LGSN: variants seen among roughly 807,000 people sequenced by gnomAD.
LGSN encodes lengsin.
A neutral mutation model predicts 19.5 loss-of-function variants in LGSN; 21 were observed. That is an observed-to-expected ratio of 1.07 (90% confidence interval 0.76 to 1.55). The LOEUF (loss-of-function observed/expected upper bound fraction) is 1.55. Among genes scored for constraint, LGSN ranks in the 40% most tolerant of loss-of-function variants. LGSN has a pLI of 0.00. For missense variants in LGSN, 673 were observed against 608.5 expected (o/e 1.11, Z -1.12); for synonymous variants, 257 against 215.6 (o/e 1.19, Z -1.68).
the LGSN span, among the ~76,000 whole-genome samples, chr6:63,500,386 G>GT: frequency 1.3e-5 from 2 of 152,170 alleles, no homozygotes; most frequent in African/African-American, 4.8e-5. Context: ...TCTGCTTCAT[G>GT]TCTGAGTGAC....
At chr6:63,494,315 C>T in the LGSN span, among the ~76,000 whole-genome samples, 4 of 151,936 alleles carry the variant, frequency 2.6e-5, no homozygotes, top group African/African-American at 7.3e-5. Context: ...CCTATAGCAG[C>T]TTATCATTAT....
intron 1 of LGSN, among the ~76,000 whole-genome samples, chr6:63,304,905 A>G (rs1768320435): frequency 6.6e-6 from 1 of 152,190 alleles, no homozygotes; most frequent in African/African-American, 2.4e-5. Flanking sequence ...AGAAAACCCA[A>G]AATAATGGTA....
the LGSN span, among the ~76,000 whole-genome samples, chr6:63,499,542 G>A: frequency 6.6e-6 from 1 of 152,040 alleles, no homozygotes; most frequent in Non-Finnish European, 1.5e-5. Context: ...TAATAGAGAA[G>A]AAAATCTCGC....
At chr6:63,415,597 T>C in the LGSN span, among the ~76,000 whole-genome samples, 1 of 152,200 alleles carries the variant, frequency 6.6e-6, no homozygotes, top group African/African-American at 2.4e-5. Flanking sequence ...CAATTATTTC[T>C]ACCTGGTCTC....
chr6:63,532,401 A>G, the LGSN span, among the ~76,000 whole-genome samples: 1 of 152,156 alleles, frequency 6.6e-6, no homozygotes, highest in Non-Finnish European at 1.5e-5. Flanking sequence ...ATGCTCACAT[A>G]CTACCAGTAC....
chr6:63,393,900 G>C, the LGSN span, among the ~76,000 whole-genome samples: 11 of 152,130 alleles, frequency 7.2e-5, 1 homozygote, highest in Admixed American at 7.2e-4. Context: ...GCATTCCCAC[G>C]AGGTTAGGTA....
intron 1 of LGSN, 31 bp from the exon 2 acceptor site, chr6:63,295,076 T>A: frequency 1.3e-6 from 2 of 1,595,166 alleles, no homozygotes; most frequent in East Asian, 4.5e-5. Flanking sequence ...AAAAGCCAAA[T>A]AACAGATTAT....
chr6:63,572,443 C>G, the LGSN span: 1 of 375,954 alleles, frequency 2.7e-6, no homozygotes, highest in Non-Finnish European at 4.7e-6. Context: ...TTGCACGTCG[C>G]GCCGGCTATA....
chr6:63,392,223 T>A, the LGSN span: 5 of 152,352 alleles, frequency 3.3e-5, no homozygotes, highest in African/African-American at 1.2e-4. Flanking sequence ...TAGAAGCCCC[T>A]TCCTCAGTGC....
the LGSN span, among the ~76,000 whole-genome samples, chr6:63,467,245 T>C: frequency 6.8e-6 from 1 of 147,442 alleles, no homozygotes; most frequent in African/African-American, 2.5e-5. Flanking sequence ...CAGTAAACAA[T>C]AAAAAAGAAA....
the LGSN span, among the ~76,000 whole-genome samples, chr6:63,406,595 C>A: frequency 6.6e-6 from 1 of 150,866 alleles, no homozygotes; most frequent in South Asian, 2.1e-4. Flanking sequence ...AAAATTGACA[C>A]CCTAACATCA....
the LGSN span, among the ~76,000 whole-genome samples, chr6:63,412,694 A>G: frequency 6.7e-4 from 85 of 127,232 alleles, no homozygotes; most frequent in African/African-American, 2.3e-3. Flanking sequence ...AGAAAGAGAA[A>G]GAAAGAAAGA....
the LGSN span, among the ~76,000 whole-genome samples, chr6:63,450,362 A>G: frequency 6.6e-6 from 1 of 151,480 alleles, no homozygotes; most frequent in Non-Finnish European, 1.5e-5. Flanking sequence ...CTCCATCTCA[A>G]AAATAAATAA....
At chr6:63,422,052 C>G in the LGSN span, among the ~76,000 whole-genome samples, 2 of 152,032 alleles carry the variant, frequency 1.3e-5, no homozygotes, top group African/African-American at 2.4e-5. Flanking sequence ...AAATGAAAGA[C>G]CAAAAAAATT....
the LGSN span, among the ~76,000 whole-genome samples, chr6:63,350,881 C>T: frequency 3.3e-5 from 5 of 151,636 alleles, no homozygotes; most frequent in South Asian, 2.1e-4. Context: ...CGAGTTCAGA[C>T]GACCAATTGG....
the LGSN span, among the ~76,000 whole-genome samples, chr6:63,475,932 G>A: frequency 6.6e-6 from 1 of 152,160 alleles, no homozygotes; most frequent in Non-Finnish European, 1.5e-5. Context: ...GAGGAAGAGG[G>A]AAAAGGCAGG....
the LGSN span, among the ~76,000 whole-genome samples, chr6:63,570,772 A>G: frequency 6.6e-6 from 1 of 152,242 alleles, no homozygotes; most frequent in Non-Finnish European, 1.5e-5. Context: ...ACACTATTAT[A>G]TACATTGGCC....
At chr6:63,473,472 TAAAAAAAAAAA>T in the LGSN span, among the ~76,000 whole-genome samples, 2 of 59,368 alleles carry the variant, frequency 3.4e-5, no homozygotes, top group Admixed American at 2.4e-4. Context: ...ACACTCTGTC[TAAAAAAAAAAA>T]AAAAAAAAAA....
the LGSN span, among the ~76,000 whole-genome samples, chr6:63,545,928 C>A: frequency 6.6e-6 from 1 of 152,106 alleles, no homozygotes; most frequent in Non-Finnish European, 1.5e-5. Flanking sequence ...TATATTTACT[C>A]ATTTGCTTAA....
Sources: allele counts gnomAD v4.1 joint callset (sites outside exome capture counted in the v4.1 genomes callset), GRCh38; gene constraint gnomAD v4.1.1; transcripts MANE v1.5; gene names NCBI Gene and HGNC (gene_info 2026-07-23, HGNC 2026-07-21).